Variants in CREB3L2 observed in about 807,000 individuals in gnomAD.
CREB3L2 encodes the protein cAMP responsive element binding protein 3 like 2.
In CREB3L2, 23 loss-of-function variants were observed where a neutral mutation model predicts 57.2. That is an observed-to-expected ratio of 0.40 (90% CI 0.29 to 0.57). CREB3L2 has a LOEUF of 0.57. Ranked by LOEUF, CREB3L2 falls within the 20% of genes least tolerant of loss-of-function variation. The pLI is 0.42. For synonymous variants in CREB3L2, 268 were observed against 265.1 expected (o/e 1.01, Z -0.11); for missense variants, 628 against 634.7 (o/e 0.99, Z 0.11).
At chr7:137,895,996 G>C (rs772152903) in intron 8 of CREB3L2, among the ~76,000 whole-genome samples, 1 of 152,164 alleles carries the variant, frequency 6.6e-6, no homozygotes, top group Admixed American at 6.5e-5. Flanking sequence ...GCCCAGCCCT[G>C]CACACTGCCC....
intron 8 of CREB3L2, among the ~76,000 whole-genome samples, chr7:137,897,571 T>C (rs972443425): frequency 6.6e-6 from 1 of 152,160 alleles, no homozygotes; most frequent in Non-Finnish European, 1.5e-5. Context: ...GGTTTCACCA[T>C]GTTGGTCAGG....
intron 8 of CREB3L2, among the ~76,000 whole-genome samples, chr7:137,899,065 GAGAA>G (rs1398746604): frequency 6.8e-5 from 6 of 88,786 alleles, no homozygotes; most frequent in East Asian, 3.6e-4. Flanking sequence ...GAAAAAGAAA[GAGAA>G]AGAAAGAAAA....
At chr7:137,916,536 C>T (rs556936946) in intron 2 of CREB3L2, among the ~76,000 whole-genome samples, 6 of 152,196 alleles carry the variant, frequency 3.9e-5, no homozygotes, top group African/African-American at 1.2e-4. Context: ...GGCTACAATG[C>T]AAGACTCTGT....
intron 1 of CREB3L2, among the ~76,000 whole-genome samples, chr7:137,968,443 G>A (rs553844032): frequency 7.9e-5 from 12 of 151,694 alleles, no homozygotes; most frequent in Non-Finnish European, 1.6e-4. Flanking sequence ...TCCCACTTAC[G>A]AGTGAGAACA....
At chr7:137,945,742 C>T (rs919263960) in intron 1 of CREB3L2, among the ~76,000 whole-genome samples, 4 of 152,180 alleles carry the variant, frequency 2.6e-5, no homozygotes, top group Admixed American at 6.5e-5. Context: ...CAGGTGAACA[C>T]GCAGGTTTTG....
chr7:137,942,538 T>C (rs1800896299), intron 1 of CREB3L2, among the ~76,000 whole-genome samples: 1 of 152,046 alleles, frequency 6.6e-6, no homozygotes, highest in Non-Finnish European at 1.5e-5. Context: ...TTCTTCAACT[T>C]GGTAGAGTTG....
At chr7:137,927,396 A>G in intron 2 of CREB3L2, among the ~76,000 whole-genome samples, 1 of 124,500 alleles carries the variant, frequency 8.0e-6, no homozygotes, top group African/African-American at 3.3e-5. Flanking sequence ...GGAGGGAAGG[A>G]GGGAAGGAAG....
intron 6 of CREB3L2, among the ~76,000 whole-genome samples, 199 bp from the exon 7 acceptor site, chr7:137,904,216 C>T (rs1799831843): frequency 6.6e-6 from 1 of 152,228 alleles, no homozygotes; most frequent in Non-Finnish European, 1.5e-5. Flanking sequence ...TACTTTCCTA[C>T]AAACCAGGCC....
intron 1 of CREB3L2, chr7:137,953,385 T>C: frequency 4.2e-6 from 4 of 962,122 alleles, no homozygotes; most frequent in South Asian, 4.0e-5. Flanking sequence ...TTCTAACTTC[T>C]CTGCACCCAC....
intron 2 of CREB3L2, among the ~76,000 whole-genome samples, chr7:137,927,261 C>CGGAAA (rs71177929): frequency 0.02 from 2,310 of 114,758 alleles, 71 homozygotes; most frequent in East Asian, 0.076. Flanking sequence ...CGGAACAGAA[C>CGGAAA]GGAAAGGAAA....
At chr7:137,929,543 T>C (rs1040440833) in intron 1 of CREB3L2, among the ~76,000 whole-genome samples, 4 of 152,104 alleles carry the variant, frequency 2.6e-5, no homozygotes, top group African/African-American at 4.8e-5. Context: ...ATCACTGCTA[T>C]TGACTATATT....
At chr7:137,920,308 T>G (rs995794450) in intron 2 of CREB3L2, among the ~76,000 whole-genome samples, 1 of 152,220 alleles carries the variant, frequency 6.6e-6, no homozygotes, top group Non-Finnish European at 1.5e-5. Flanking sequence ...GCTGTAGTTT[T>G]GCCATCAGCA....
chr7:137,956,590 G>A, intron 1 of CREB3L2: 1 of 1,288,884 alleles, frequency 7.8e-7, no homozygotes, highest in Non-Finnish European at 1.0e-6. Flanking sequence ...TCAGGTCCTG[G>A]CAATCCTTCA....
intron 2 of CREB3L2, among the ~76,000 whole-genome samples, chr7:137,916,257 A>G (rs562900805): frequency 2.6e-5 from 4 of 152,326 alleles, no homozygotes; most frequent in East Asian, 3.9e-4. Flanking sequence ...CATAGAAAAG[A>G]AAGAAACTTG....
intron 6 of CREB3L2, 64 bp downstream of exon 6, chr7:137,905,637 GA>G (rs1322688237): frequency 1.7e-4 from 269 of 1,554,472 alleles, no homozygotes; most frequent in Non-Finnish European, 2.3e-4. Flanking sequence ...GGAAGGCAGG[GA>G]AAGGGATGCT....
At chr7:137,897,735 T>C (rs1799657103) in intron 8 of CREB3L2, among the ~76,000 whole-genome samples, 1 of 152,218 alleles carries the variant, frequency 6.6e-6, no homozygotes, top group Non-Finnish European at 1.5e-5. Context: ...TGTTTTGTTA[T>C]GTGGAAATAG....
intron 3 of CREB3L2, among the ~76,000 whole-genome samples, chr7:137,914,555 C>T (rs1016074373): frequency 2.0e-5 from 3 of 152,206 alleles, no homozygotes; most frequent in South Asian, 2.1e-4. Context: ...TCACTGAACC[C>T]GGGAGGCGGA....
At chr7:137,910,017 C>G (rs1449947271) in intron 4 of CREB3L2, among the ~76,000 whole-genome samples, 1 of 152,166 alleles carries the variant, frequency 6.6e-6, no homozygotes, top group African/African-American at 2.4e-5. Flanking sequence ...TCCTTATCCA[C>G]GTGGAACTGT....
At chr7:137,918,537 T>C (rs1800201028) in intron 2 of CREB3L2, among the ~76,000 whole-genome samples, 1 of 151,990 alleles carries the variant, frequency 6.6e-6, no homozygotes, top group African/African-American at 2.4e-5. Context: ...GTAATATTTA[T>C]CCCTGGCAAA....
Sources: allele counts gnomAD v4.1 joint callset (sites outside exome capture counted in the v4.1 genomes callset), GRCh38; gene constraint gnomAD v4.1.1; transcripts MANE v1.5; gene names NCBI Gene and HGNC (gene_info 2026-07-23, HGNC 2026-07-21).